KCNH7: variants seen among roughly 807,000 people sequenced by gnomAD.
KCNH7 encodes the protein potassium voltage-gated channel subfamily H member 7.
In KCNH7, 49 loss-of-function variants were observed where a neutral mutation model predicts 120.8. That is an observed-to-expected ratio of 0.41 (90% CI 0.32 to 0.51). KCNH7 has a LOEUF of 0.51. KCNH7 is among the 20% of genes least tolerant of loss of function. The pLI is 0.38. For synonymous variants in KCNH7, 547 were observed against 516.1 expected, an observed-to-expected ratio of 1.06 and a Z score of -0.81; for missense variants, 1,097 against 1,446.6, an observed-to-expected ratio of 0.76 and a Z score of 3.92.
At chr2:162,683,654 G>A (rs990277061) in intron 2 of KCNH7, among the ~76,000 whole-genome samples, 3 of 151,906 alleles carry the variant, frequency 2.0e-5, no homozygotes, top group South Asian at 2.1e-4. Context: ...TAGACATCAT[G>A]TTTCTCAAAT....
At chr2:162,631,266 T>C (rs1052940841) in intron 2 of KCNH7, among the ~76,000 whole-genome samples, 14 of 152,162 alleles carry the variant, frequency 9.2e-5, no homozygotes, top group Admixed American at 4.6e-4. Flanking sequence ...AATACCACTC[T>C]ATTACTGACT....
rs143617079 is a variant in KCNH7, at chr2:162,598,424, A to C, written c.308-61344T>G. ...ATGATAAATATCTACATTCACAAAA[A>C]GTCACTAAAAATTATTTTAGTGTTA... On this transcript the variant is annotated intron_variant, in intron 2 of 15. Transcript: ENST00000332142. Among the ~76,000 whole-genome samples the C allele has an allele frequency of 3.3e-5, 5 of 152,248 alleles. No individual in the cohort carries two copies. The East Asian group carries it at 7.7e-4, about 24-fold the overall frequency.
intron 2 of KCNH7, among the ~76,000 whole-genome samples, chr2:162,570,562 A>G (rs2105897663): frequency 6.6e-6 from 1 of 152,080 alleles, no homozygotes; most frequent in Non-Finnish European, 1.5e-5. Context: ...TGTGAATTTG[A>G]TCCTGTCATT....
At chr2:162,423,169 A>G (rs1201506180) in intron 9 of KCNH7, 167 bp downstream of exon 9, 1 of 1,404,674 alleles carries the variant, frequency 7.1e-7, no homozygotes, top group Non-Finnish European at 9.7e-7. Context: ...AGCACCATGC[A>G]ATGCCATGAA....
intron 2 of KCNH7, among the ~76,000 whole-genome samples, chr2:162,820,007 G>A (rs942192505): frequency 3.2e-5 from 4 of 124,936 alleles, no homozygotes; most frequent in African/African-American, 1.2e-4. Flanking sequence ...CAGTGTGTTT[G>A]TTCGGGTATT....
intron 2 of KCNH7, among the ~76,000 whole-genome samples, chr2:162,748,926 C>CT (rs1400754816): frequency 2.4e-5 from 1 of 42,168 alleles, no homozygotes; most frequent in Non-Finnish European, 3.8e-5. Context: ...CTTCCCTTTC[C>CT]TTTCCTTCCT....
chr2:162,451,965 T>A (rs1271890797), intron 6 of KCNH7, among the ~76,000 whole-genome samples: 2 of 152,068 alleles, frequency 1.3e-5, no homozygotes, highest in Admixed American at 1.3e-4. Context: ...AAAGGAAGGA[T>A]TCAATCAGTT....
At chr2:162,570,793 A>C (rs1274000492) in intron 2 of KCNH7, among the ~76,000 whole-genome samples, 1 of 152,122 alleles carries the variant, frequency 6.6e-6, no homozygotes, top group Non-Finnish European at 1.5e-5. Context: ...AAAGATAAAA[A>C]CCACATGATT....
At chr2:162,564,245 G>T (rs1693169953) in intron 2 of KCNH7, among the ~76,000 whole-genome samples, 1 of 151,448 alleles carries the variant, frequency 6.6e-6, no homozygotes, top group African/African-American at 2.4e-5. Context: ...TCCCTGGATA[G>T]CACGGTTAGG....
chr2:162,736,440 G>C lies in KCNH7; in HGVS notation c.307+100097C>G, dbSNP rs1208862212. 2.0e-5 allele frequency among the ~76,000 whole-genome samples: 3 copies of C among 152,212 alleles called. No individual in the cohort carries two copies. The East Asian group carries it at 5.8e-4, about 29-fold the overall frequency. ...ATCAGATATGATTTACATCAAAATA[G>C]TGCCTTTTAAGGAAGAGTGTTTTGT... is the stretch of plus-strand genomic sequence containing the variant. On this transcript the variant is annotated intron_variant, in intron 2 of 15. Transcript: ENST00000332142.
At position 162,726,379 on chromosome 2, in the gene KCNH7, A is replaced by G. The variant is rs187900184; in HGVS notation, c.307+110158T>C. On this transcript the variant is annotated intron_variant, in intron 2 of 15. Transcript: ENST00000332142. ...TTTTTACAAGTATTATTATAAACTC[A>G]TATACATATTTCAAGGGTTTTAATC... 2.9e-3 allele frequency among the ~76,000 whole-genome samples: 445 copies of G among 152,248 alleles called. 1 individual carries two copies. The highest frequency in any genetic ancestry group is 7.2e-3 in the South Asian group (35 of 4,830).
At chr2:162,599,386 G>C (rs1438549743) in intron 2 of KCNH7, among the ~76,000 whole-genome samples, 1 of 152,032 alleles carries the variant, frequency 6.6e-6, no homozygotes, top group Non-Finnish European at 1.5e-5. Flanking sequence ...AGGCAAAGCT[G>C]TAAGTTAACA....
At chr2:162,518,289 G>A in intron 3 of KCNH7, 131 bp from the exon 4 acceptor site, 1 of 691,740 alleles carries the variant, frequency 1.4e-6, no homozygotes, top group East Asian at 2.7e-5. Context: ...AGTTGGAATA[G>A]AGGATATTGT....
At chr2:162,495,772 C>T (rs571100665) in intron 6 of KCNH7, among the ~76,000 whole-genome samples, 2 of 152,088 alleles carry the variant, frequency 1.3e-5, no homozygotes, top group African/African-American at 4.8e-5. Flanking sequence ...TCAGAAGAAA[C>T]AAAAGGGATG....
chr2:162,816,992 T>G (rs1446312576), intron 2 of KCNH7, among the ~76,000 whole-genome samples: 1 of 152,148 alleles, frequency 6.6e-6, no homozygotes, highest in East Asian at 1.9e-4. Context: ...TTTATACGCA[T>G]TTATTTGTCT....
intron 2 of KCNH7, among the ~76,000 whole-genome samples, chr2:162,592,540 C>G (rs1162917160): frequency 6.6e-6 from 1 of 152,010 alleles, no homozygotes; most frequent in Admixed American, 6.6e-5. Context: ...AATTTAGCAG[C>G]ATGAACAGGT....
At chr2:162,509,945 T>C (rs1267686829) in intron 5 of KCNH7, among the ~76,000 whole-genome samples, 2 of 151,528 alleles carry the variant, frequency 1.3e-5, no homozygotes, top group African/African-American at 4.8e-5. Flanking sequence ...AAAATTGTAT[T>C]ATGACTTATT....
intron 10 of KCNH7, among the ~76,000 whole-genome samples, chr2:162,398,478 G>A (rs1419491412): frequency 6.6e-6 from 1 of 151,662 alleles, no homozygotes; most frequent in Non-Finnish European, 1.5e-5. Context: ...GGATTTTAGG[G>A]GCTGACTTAT....
At position 162,561,612 on chromosome 2, in the gene KCNH7, T is replaced by C. The variant is rs188142784; in HGVS notation, c.308-24532A>G. Among the ~76,000 whole-genome samples, 3 of 152,274 alleles carry C rather than the reference T, an allele frequency of 2.0e-5. No individual in the cohort carries two copies. The East Asian group carries it at 5.8e-4, about 29-fold the overall frequency. On this transcript the variant is annotated intron_variant, in intron 2 of 15. Coordinates refer to ENST00000332142, the MANE Select transcript of KCNH7 (RefSeq NM_033272.4). ...AGCTGGCATGAGATGGTATCTATTG[T>C]GGTTTTGATTTGGATTTCTCTAATG... is the stretch of plus-strand genomic sequence containing the variant.
Sources: allele counts gnomAD v4.1 joint callset (sites outside exome capture counted in the v4.1 genomes callset), GRCh38; gene constraint gnomAD v4.1.1; transcripts MANE v1.5; gene names NCBI Gene and HGNC (gene_info 2026-07-23, HGNC 2026-07-21).